Variants in GDAP2 observed in about 807,000 individuals in gnomAD.
The protein encoded by GDAP2 is ganglioside-induced differentiation-associated protein 2.
A neutral mutation model predicts 67.0 loss-of-function variants in GDAP2; 51 were observed. The ratio of observed to expected loss-of-function variants is 0.76; its 90% CI spans 0.61 to 0.96. The LOEUF (loss-of-function observed/expected upper bound fraction) is 0.96. GDAP2 is among the 40% of genes least tolerant of loss of function. GDAP2 has a pLI of 0.00. For missense variants in GDAP2, 547 were observed against 588.3 expected, an observed-to-expected ratio of 0.93 and a Z score of 0.73; for synonymous variants, 203 against 207.3, an observed-to-expected ratio of 0.98 and a Z score of 0.18.
intron 6 of GDAP2, among the ~76,000 whole-genome samples, chr1:117,903,387 T>A (rs1199175430): frequency 6.6e-6 from 1 of 152,190 alleles, no homozygotes; most frequent in South Asian, 2.1e-4. Flanking sequence ...TATTTTACCA[T>A]TAAGTATGTT....
Position 117,870,517 on chromosome 1 carries a change from T to A in GDAP2, c.*52A>T. 9.2e-7 allele frequency: 1 copy of A among 1,084,320 alleles called. No individual in the cohort carries two copies. Among genetic ancestry groups the A allele is most frequent in the South Asian group, 1.2e-5 (1 of 80,376 alleles). The allele number at this position is 1,084,320 out of a possible 1,614,324, so 67.2% of individuals were successfully genotyped here. A position where few individuals can be genotyped will look rare whatever the true frequency, so the allele number is the denominator to read the frequency against. On this transcript the variant is annotated 3_prime_UTR_variant, in exon 14 of 14. Transcript: ENST00000369443. ...TGAATATCACTTCAACAGGTAGCTA[T>A]TCGTGGAGGAAGTGGCATCCTGGGA...
chr1:117,905,500 G>A (rs530761410), intron 6 of GDAP2, among the ~76,000 whole-genome samples: 3 of 151,980 alleles, frequency 2.0e-5, no homozygotes, highest in Non-Finnish European at 4.4e-5. Context: ...CACTTCCTAT[G>A]GGAAGCATTT....
rs372669091 is a variant in GDAP2 at position 117,878,155 on chromosome 1, G to T, written c.1303-3C>A. ...GTGGTAAAAAACCATGTTGACACCT[G>T]ATTAATAGAAGAGAAAAAATAATTT... is the stretch of plus-strand genomic sequence containing the variant. On this transcript the variant is annotated splice_region_variant and splice_polypyrimidine_tract_variant and intron_variant, in intron 12 of 13. Coordinates refer to ENST00000369443, the MANE Select transcript of GDAP2 (RefSeq NM_017686.4). 3.3e-6 allele frequency: 5 copies of T among 1,492,908 alleles called. No individual in the cohort carries two copies. The South Asian group carries it at 5.1e-5, about 15-fold the overall frequency. 92.5% of individuals were successfully genotyped at this position (1,492,908 alleles called of 1,614,324 possible).
At chr1:117,912,391 T>C in intron 4 of GDAP2, 139 bp downstream of exon 4, 1 of 663,332 alleles carries the variant, frequency 1.5e-6, no homozygotes. Flanking sequence ...GTCAGGGTCC[T>C]CCTAAATCAC....
intron 5 of GDAP2, among the ~76,000 whole-genome samples, chr1:117,911,080 T>C (rs1215407728): frequency 6.6e-6 from 1 of 152,218 alleles, no homozygotes; most frequent in Non-Finnish European, 1.5e-5. Context: ...GGACATCATA[T>C]TTGCTAAAAG....
chr1:117,916,905 A>C (rs901592470), intron 3 of GDAP2, among the ~76,000 whole-genome samples: 1 of 151,958 alleles, frequency 6.6e-6, no homozygotes, highest in African/African-American at 2.4e-5. Flanking sequence ...ATGGTGGCAC[A>C]CACCTGTAGT....
rs951699001 is a variant in GDAP2 at position 117,924,723 on chromosome 1, T to C, written c.-67-4299A>G. 3.9e-5 allele frequency among the ~76,000 whole-genome samples: 6 copies of C among 152,338 alleles called. No individual in the cohort carries two copies. The East Asian group carries it at 1.2e-3, about 29-fold the overall frequency. ...AATTTGTATGAGAAGACTATTCTTA[T>C]TTGACACTAAATACACCTTTGAAAT... On this transcript the variant is annotated intron_variant, in intron 1 of 13. Transcript: ENST00000369443.
intron 6 of GDAP2, among the ~76,000 whole-genome samples, chr1:117,899,623 T>G (rs1362030844): frequency 1.3e-5 from 2 of 152,200 alleles, no homozygotes; most frequent in African/African-American, 2.4e-5. Flanking sequence ...TGTGAAGGAT[T>G]TCTCTTTCAT....
intron 3 of GDAP2, among the ~76,000 whole-genome samples, chr1:117,918,174 G>C (rs915831341): frequency 1.3e-5 from 2 of 152,208 alleles, no homozygotes; most frequent in Non-Finnish European, 2.9e-5. Flanking sequence ...ACAATGGGAA[G>C]ATTGAATTTC....
At chr1:117,873,203 T>G (rs1012954386) in intron 13 of GDAP2, among the ~76,000 whole-genome samples, 1 of 152,196 alleles carries the variant, frequency 6.6e-6, no homozygotes, top group African/African-American at 2.4e-5. Flanking sequence ...TAAGAATTGT[T>G]GCCAGGAAAA....
chr1:117,895,815 T>C (rs542330702), intron 8 of GDAP2, among the ~76,000 whole-genome samples: 140 of 152,324 alleles, frequency 9.2e-4, no homozygotes, highest in African/African-American at 3.1e-3. Flanking sequence ...GGAGAGTTCA[T>C]GTAGTCCAAC....
chr1:117,863,780 A>T lies in GDAP2; in HGVS notation c.*6789T>A, dbSNP rs1184944506. 1.3e-5 allele frequency: 2 copies of T among 152,204 alleles called. No individual in the cohort carries two copies. The highest frequency in any genetic ancestry group is 4.8e-5 in the African/African-American group (2 of 41,460). 9.4% of individuals were successfully genotyped at this position (152,204 alleles called of 1,614,324 possible). Reference sequence around the variant, plus strand: ...TCCTGATTCTACCACTCAATATGTAATATATATAAAGAGCTTAGCAGCGTT... The same window carrying T: ...TCCTGATTCTACCACTCAATATGTATTATATATAAAGAGCTTAGCAGCGTT... On this transcript the variant is annotated 3_prime_UTR_variant, in exon 14 of 14. Transcript: ENST00000369443.
intron 6 of GDAP2, among the ~76,000 whole-genome samples, chr1:117,900,933 G>A (rs1035108741): frequency 2.0e-5 from 3 of 152,084 alleles, no homozygotes; most frequent in African/African-American, 4.8e-5. Flanking sequence ...GGTAGCGGGT[G>A]CCTGTAGTCC....
At position 117,912,048 on chromosome 1, in the gene GDAP2, T is replaced by C. The variant is rs1288625746; in HGVS notation, c.505A>G (p.Ile169Val). Residue 169 changes from isoleucine to valine, a missense_variant, in exon 5 of 14, where the codon ATC becomes GTC. Transcript: ENST00000369443. ...GGATAACCACGTTTTGCAGAATTGATGACACAGAAGCCAACAGAAGACATT... is the reference window on the plus strand; with the variant it reads ...GGATAACCACGTTTTGCAGAATTGACGACACAGAAGCCAACAGAAGACATT... The part of the protein sequence containing the change: ...QSMSSVGFCV[I>V]NSAKRGYPLE... The C allele has an allele frequency of 1.9e-6, 3 of 1,611,000 alleles. No homozygotes were observed. In the African/African-American group the frequency reaches 4.0e-5, roughly 22 times the overall value.
In GDAP2 at chr1:117,886,671, C is replaced by T; in HGVS notation, c.1031-18G>A. 7.5e-7 allele frequency: 1 copy of T among 1,328,004 alleles called. No homozygotes were observed. The highest frequency in any genetic ancestry group is 1.1e-6 in the Non-Finnish European group (1 of 919,262). The allele number at this position is 1,328,004 out of a possible 1,614,324, so 82.3% of individuals were successfully genotyped here. A position where few individuals can be genotyped will look rare whatever the true frequency, so the allele number is the denominator to read the frequency against. On this transcript the variant is annotated intron_variant, in intron 9 of 13. Transcript: ENST00000369443. ...ATCAACACCTATAAACAGGAAATGT[C>T]ATCAGCACCCAGAAACTTCATTCCA...
Position 117,920,403 on chromosome 1 carries a change from CAATA to C in GDAP2, c.-50_-47del. ...TCTTTTCCCAAAATCCTCAGCAATT[CAATA>C]TTCACTGGAGACTTTAGCTTTAAGA... On this transcript the variant is annotated 5_prime_UTR_variant, in exon 2 of 14. An upstream open reading frame in the 5' UTR loses its in-frame stop. Transcript: ENST00000369443. 8.2e-7 allele frequency: 1 copy of C among 1,213,620 alleles called. No homozygotes were observed. The highest frequency in any genetic ancestry group is 1.5e-5 in the African/African-American group (1 of 66,258). The allele number at this position is 1,213,620 out of a possible 1,614,324, so 75.2% of individuals were successfully genotyped here.
At position 117,910,677 on chromosome 1, in the gene GDAP2, C is replaced by G. The variant is rs117216949; in HGVS notation, c.559+1317G>C. ...CTCTTAAAGATGATTTAGTATAGTT[C>G]GTCTCTGAAATGAGAAGTGTTTTCT... is the stretch of plus-strand genomic sequence containing the variant. On this transcript the variant is annotated intron_variant, in intron 5 of 13. Transcript: ENST00000369443. 4.7e-4 allele frequency among the ~76,000 whole-genome samples: 71 copies of G among 152,200 alleles called. No homozygotes were observed. The East Asian group carries it at 0.012, about 26-fold the overall frequency.
chr1:117,899,639 T>C (rs770287611), intron 6 of GDAP2, among the ~76,000 whole-genome samples: 8 of 152,176 alleles, frequency 5.3e-5, no homozygotes, highest in Non-Finnish European at 1.2e-4. Flanking sequence ...TTCATGATGT[T>C]TATTCTTTCT....
chr1:117,913,967 C>G (rs2101157714), intron 3 of GDAP2, among the ~76,000 whole-genome samples: 1 of 152,294 alleles, frequency 6.6e-6, no homozygotes, highest in South Asian at 2.1e-4. Context: ...AGTCTGCAGC[C>G]AGGAAGACAG....
Sources: gnomAD v4.1 joint callset for allele counts (sites outside exome capture counted in the v4.1 genomes callset) on GRCh38, gnomAD v4.1.1 for gene constraint, MANE v1.5 for transcripts, NCBI Gene and HGNC (gene_info 2026-07-23, HGNC 2026-07-21) for gene names.